The following MXI1 variants were observed in gnomAD, a reference collection of about 807,000 sequenced individuals.
MXI1 encodes the protein MAX interactor 1, dimerization protein.
Under a neutral mutation model 36.9 loss-of-function variants are expected in MXI1, and 18 were observed. The observed-to-expected ratio is 0.49, with a 90% CI of 0.34 to 0.72. The LOEUF is 0.72. Ranked by LOEUF, MXI1 falls within the 30% of genes least tolerant of loss-of-function variation. MXI1 has a pLI of 0.01. For synonymous variants in MXI1, 160 were observed against 146.7 expected (o/e 1.09, Z -0.65); for missense variants, 304 against 379.1 (o/e 0.80, Z 1.64).
chr10:110,281,817 G>A (rs966148069), intron 5 of MXI1, among the ~76,000 whole-genome samples: 11 of 152,248 alleles, frequency 7.2e-5, no homozygotes, highest in African/African-American at 2.6e-4. Context: ...TGTACTTCCT[G>A]TTATGTCAGT....
In MXI1 at chr10:110,286,055, G is replaced by A. The variant is rs1483520779; in HGVS notation, c.*1068G>A. ...AACACCTCACACCTCACTCTTTATA[G>A]TGCACAAAATGAATGAGGTCTGGGC... On this transcript the variant is annotated 3_prime_UTR_variant, in exon 6 of 6. Transcript: ENST00000332674. The A allele has an allele frequency of 1.3e-5, 2 of 152,562 alleles. No individual in the cohort carries two copies. Among genetic ancestry groups the A allele is most frequent in the African/African-American group, 2.4e-5 (1 of 41,414 alleles). 9.5% of individuals were successfully genotyped at this position (152,562 alleles called of 1,614,324 possible).
intron 2 of MXI1, among the ~76,000 whole-genome samples, chr10:110,243,760 G>A (rs986398148): frequency 3.3e-5 from 5 of 152,042 alleles, no homozygotes; most frequent in African/African-American, 1.2e-4. Context: ...GCATAAACCT[G>A]TTAGTCCTTA....
chr10:110,229,062 A>G (rs1855164839), intron 2 of MXI1, among the ~76,000 whole-genome samples: 1 of 152,170 alleles, frequency 6.6e-6, no homozygotes, highest in Admixed American at 6.5e-5. Context: ...TCAAAAAGAG[A>G]AAAAAATAGA....
At chr10:110,266,477 G>T (rs1233430396) in intron 3 of MXI1, among the ~76,000 whole-genome samples, 1 of 152,020 alleles carries the variant, frequency 6.6e-6, no homozygotes, top group Admixed American at 6.5e-5. Context: ...CCCTCTTTTT[G>T]TGGTGGCAAT....
chr10:110,246,234 G>A (rs1321222528), intron 3 of MXI1, among the ~76,000 whole-genome samples: 1 of 151,908 alleles, frequency 6.6e-6, no homozygotes, highest in Non-Finnish European at 1.5e-5. Flanking sequence ...AAGGCAAGAG[G>A]ATCACTTGAG....
chr10:110,279,642 T>C (rs1268601737), intron 4 of MXI1, among the ~76,000 whole-genome samples: 1 of 152,236 alleles, frequency 6.6e-6, no homozygotes. Context: ...AGTTTCTCCG[T>C]GGAGATTACT....
At chr10:110,223,578 T>A (rs1405717277) in intron 1 of MXI1, among the ~76,000 whole-genome samples, 1 of 151,604 alleles carries the variant, frequency 6.6e-6, no homozygotes, top group South Asian at 2.1e-4. Context: ...TCTCAAAAAA[T>A]AAATAAATAA....
At chr10:110,276,422 AAATTC>A (rs2134462904) in intron 3 of MXI1, among the ~76,000 whole-genome samples, 1 of 152,352 alleles carries the variant, frequency 6.6e-6, no homozygotes, top group South Asian at 2.1e-4. Context: ...TTTCATAGAC[AAATTC>A]AATATTCTTT....
intron 2 of MXI1, among the ~76,000 whole-genome samples, chr10:110,240,354 G>A (rs1855627112): frequency 6.6e-6 from 1 of 152,002 alleles, no homozygotes; most frequent in African/African-American, 2.4e-5. Context: ...AAAGGTTATT[G>A]ATTATAGTTA....
At chr10:110,208,230 A>G (rs975276339) in intron 1 of MXI1, 148 bp downstream of exon 1, 8 of 765,028 alleles carry the variant, frequency 1.0e-5, no homozygotes, top group African/African-American at 9.5e-5. Context: ...CACCGGAGAA[A>G]GGACACGCAC....
intron 3 of MXI1, among the ~76,000 whole-genome samples, chr10:110,263,321 C>T (rs1856579927): frequency 1.3e-5 from 2 of 152,204 alleles, no homozygotes; most frequent in South Asian, 4.1e-4. Flanking sequence ...TTTTGTTCTC[C>T]ACTCCTGCTT....
chr10:110,278,581 A>G (rs964174126), intron 3 of MXI1, among the ~76,000 whole-genome samples: 1 of 152,198 alleles, frequency 6.6e-6, no homozygotes, highest in African/African-American at 2.4e-5. Context: ...GTATTGGAGT[A>G]TAAGAAATCA....
At chr10:110,249,305 A>G (rs1201314837) in intron 3 of MXI1, among the ~76,000 whole-genome samples, 5 of 151,698 alleles carry the variant, frequency 3.3e-5, no homozygotes, top group African/African-American at 1.2e-4. Flanking sequence ...CATGTCAGAA[A>G]TTGCTTTTTT....
intron 3 of MXI1, among the ~76,000 whole-genome samples, chr10:110,261,962 A>G (rs1368929621): frequency 6.6e-6 from 1 of 152,174 alleles, no homozygotes; most frequent in Non-Finnish European, 1.5e-5. Context: ...TGTAGCAAGT[A>G]AAAAGAATGA....
chr10:110,279,577 G>GACTTC (rs1564727091), intron 4 of MXI1, among the ~76,000 whole-genome samples: 1 of 152,184 alleles, frequency 6.6e-6, no homozygotes, highest in Non-Finnish European at 1.5e-5. Flanking sequence ...TGGTGGAGAT[G>GACTTC]ACTTCATTTG....
At chr10:110,214,520 C>CTT (rs1373743980) in intron 1 of MXI1, among the ~76,000 whole-genome samples, 1 of 151,872 alleles carries the variant, frequency 6.6e-6, no homozygotes, top group Non-Finnish European at 1.5e-5. Context: ...AAAGCCGGGT[C>CTT]TTTTGCCTTT....
intron 1 of MXI1, chr10:110,225,992 A>C (rs1334676051): frequency 1.0e-6 from 1 of 982,282 alleles, no homozygotes; most frequent in East Asian, 1.2e-4. Flanking sequence ...TCGCGGGGAG[A>C]GGTAAACAAA....
chr10:110,260,199 C>G (rs913179736), intron 3 of MXI1, among the ~76,000 whole-genome samples: 3 of 152,004 alleles, frequency 2.0e-5, no homozygotes, highest in African/African-American at 7.2e-5. Context: ...TTCCTTTCAT[C>G]TCTACTACTG....
intron 2 of MXI1, among the ~76,000 whole-genome samples, chr10:110,239,912 C>T (rs1855609344): frequency 6.6e-6 from 1 of 151,984 alleles, no homozygotes; most frequent in African/African-American, 2.4e-5. Flanking sequence ...CTGTCACCCC[C>T]TCCCCAAGGT....
Sources: allele counts gnomAD v4.1 joint callset (sites outside exome capture counted in the v4.1 genomes callset), GRCh38; gene constraint gnomAD v4.1.1; transcripts MANE v1.5; gene names NCBI Gene and HGNC (gene_info 2026-07-23, HGNC 2026-07-21).